R3HDM2: variants seen among roughly 807,000 people sequenced by gnomAD.
R3HDM2 encodes the protein R3H domain-containing protein 2.
A neutral mutation model predicts 124.5 loss-of-function variants in R3HDM2; 38 were observed. The observed-to-expected ratio is 0.31, with a 90% CI of 0.24 to 0.40. The LOEUF is 0.40. Among genes scored for constraint, R3HDM2 ranks in the 10% least tolerant of loss-of-function variants. The pLI, the probability that R3HDM2 is intolerant of heterozygous loss-of-function variation, is 1.00. For missense variants in R3HDM2, 869 were observed against 1,236.9 expected (o/e 0.70, Z 4.46); for synonymous variants, 391 against 448.0 (o/e 0.87, Z 1.61).
chr12:57,366,041 T>C (rs2137763667), intron 2 of R3HDM2, among the ~76,000 whole-genome samples: 1 of 152,350 alleles, frequency 6.6e-6, no homozygotes, highest in South Asian at 2.1e-4. Flanking sequence ...TAAGCCATTA[T>C]TTATTCAAAT....
At chr12:57,295,624 A>G in intron 9 of R3HDM2, 117 bp from the exon 10 acceptor site, 1 of 692,640 alleles carries the variant, frequency 1.4e-6, no homozygotes, top group Non-Finnish European at 2.4e-6. Flanking sequence ...GAATTTCTGG[A>G]GTAAGGAATC....
At chr12:57,333,394 G>C (rs566729452) in intron 2 of R3HDM2, among the ~76,000 whole-genome samples, 19 of 152,212 alleles carry the variant, frequency 1.2e-4, no homozygotes, top group Non-Finnish European at 2.6e-4. Context: ...ATCAAAATAA[G>C]AAAGGCAGCT....
At chr12:57,423,545 C>T (rs1209827566) in intron 1 of R3HDM2, among the ~76,000 whole-genome samples, 3 of 151,864 alleles carry the variant, frequency 2.0e-5, no homozygotes, top group Non-Finnish European at 2.9e-5. Flanking sequence ...GTGGGCCAGG[C>T]GTGGTGCCTC....
Position 57,296,327 on chromosome 12 carries a change from A to G in R3HDM2, c.701+84T>C. On this transcript the variant is annotated intron_variant, in intron 9 of 23. Coordinates refer to ENST00000402412, the MANE Select transcript of R3HDM2 (RefSeq NM_001394031.1). This position sits in a 1 kb window ranked among gnomAD's most constrained non-coding sequence, Gnocchi z 4.5. ...GCCACCACGCCTGGCCATCTGCAAG[A>G]GACATCCTGATCCTACACCTTCCTC... 2 of 1,471,062 alleles carry G rather than the reference A, an allele frequency of 1.4e-6. No individual in the cohort carries two copies. The highest frequency in any genetic ancestry group is 1.9e-6 in the Non-Finnish European group (2 of 1,080,340). 91.1% of individuals were successfully genotyped at this position (1,471,062 alleles called of 1,614,324 possible).
intron 14 of R3HDM2, among the ~76,000 whole-genome samples, chr12:57,274,238 T>C (rs1332726882): frequency 1.3e-5 from 2 of 152,048 alleles, no homozygotes; most frequent in Admixed American, 6.6e-5. Context: ...ATCCCAACAC[T>C]TTGGGAGGCT....
chr12:57,292,534 A>C (rs1303986662), intron 11 of R3HDM2, 38 bp downstream of exon 11: 1 of 1,393,202 alleles, frequency 7.2e-7, no homozygotes, highest in East Asian at 2.5e-5. Flanking sequence ...TTAAGAGCTA[A>C]AAGCTATGGG....
At chr12:57,352,811 G>A (rs2060826223) in intron 2 of R3HDM2, among the ~76,000 whole-genome samples, 1 of 151,984 alleles carries the variant, frequency 6.6e-6, no homozygotes, top group Admixed American at 6.6e-5. Context: ...TTCTTATATA[G>A]TAATTAAGAC....
chr12:57,264,601 A>C (rs572623241), intron 19 of R3HDM2, among the ~76,000 whole-genome samples: 66 of 151,366 alleles, frequency 4.4e-4, no homozygotes, highest in African/African-American at 1.5e-3. Flanking sequence ...AAAAGAAAAA[A>C]CAAAAGACTT....
chr12:57,299,202 G>C (rs1448269600), intron 6 of R3HDM2, 150 bp downstream of exon 6: 2 of 848,488 alleles, frequency 2.4e-6, no homozygotes. Context: ...AAGAAGCAAA[G>C]AAAGTAACCT....
intron 22 of R3HDM2, 46 bp from the exon 23 acceptor site, chr12:57,256,120 A>T (rs1428954421): frequency 2.6e-6 from 4 of 1,547,990 alleles, no homozygotes; most frequent in Non-Finnish European, 3.6e-6. Flanking sequence ...AACAACATTG[A>T]CTGCCTTGCA....
chr12:57,310,017 G>A (rs2053580089), intron 3 of R3HDM2, among the ~76,000 whole-genome samples: 1 of 152,170 alleles, frequency 6.6e-6, no homozygotes, highest in Admixed American at 6.5e-5. Context: ...TTTGAGACCA[G>A]CCTGGGCAAC....
At chr12:57,297,427 A>C in intron 7 of R3HDM2, 40 bp from the exon 8 acceptor site, 3 of 1,294,818 alleles carry the variant, frequency 2.3e-6, no homozygotes, top group Non-Finnish European at 3.2e-6. Context: ...ACAAAACAAA[A>C]AGCAGCCCTC....
At chr12:57,348,720 A>AAAAAAAAAAAAAG (rs2060330840) in intron 2 of R3HDM2, among the ~76,000 whole-genome samples, 1 of 12,662 alleles carries the variant, frequency 7.9e-5, no homozygotes, top group African/African-American at 1.9e-4. Flanking sequence ...AAAAAAAAAA[A>AAAAAAAAAAAAAG]AGAGAGAGAA....
In R3HDM2 at chr12:57,296,790, G is replaced by A; in HGVS notation, c.561-239C>T. The A allele has an allele frequency of 2.4e-6, 1 of 417,024 alleles. No individual in the cohort carries two copies. The highest frequency in any genetic ancestry group is 4.3e-6 in the Non-Finnish European group (1 of 233,694). 25.8% of individuals were successfully genotyped at this position (417,024 alleles called of 1,614,324 possible). A position where few individuals can be genotyped will look rare whatever the true frequency, so the allele number is the denominator to read the frequency against. On this transcript the variant is annotated intron_variant, in intron 8 of 23. Transcript: ENST00000402412. This position sits in a 1 kb window ranked among gnomAD's most constrained non-coding sequence, Gnocchi z 4.5. The stretch of plus-strand genomic sequence containing the variant: ...TCATTAAGACTACTCATTGCTGGGT[G>A]CAGTGGCTCATGCCCGTAATCCCAG...
intron 2 of R3HDM2, among the ~76,000 whole-genome samples, chr12:57,345,156 GA>G (rs1555275789): frequency 3.3e-5 from 5 of 149,444 alleles, no homozygotes; most frequent in Non-Finnish European, 5.9e-5. Flanking sequence ...CTTATTGGGG[GA>G]AAAAAAAACC....
At chr12:57,304,397 A>G (rs960020598) in intron 3 of R3HDM2, 1 of 604,076 alleles carries the variant, frequency 1.7e-6, no homozygotes. Context: ...AGATGTTTGG[A>G]ATGGAACTCC....
In R3HDM2 at chr12:57,411,072, A is replaced by G. The variant is rs371249393; in HGVS notation, c.-105-15254T>C. 2.0e-5 allele frequency among the ~76,000 whole-genome samples: 3 copies of G among 152,358 alleles called. No individual in the cohort carries two copies. In the South Asian group the frequency reaches 6.2e-4, roughly 32 times the overall value. ...TTAGAGCAGTCATCCACATAAAACAAAAGAATATATAAGGCACACAACTAA... is the reference window on the plus strand; with the variant it reads ...TTAGAGCAGTCATCCACATAAAACAGAAGAATATATAAGGCACACAACTAA... On this transcript the variant is annotated intron_variant, in intron 1 of 23. Transcript: ENST00000402412.
At chr12:57,372,587 C>A (rs1003213906) in intron 2 of R3HDM2, among the ~76,000 whole-genome samples, 3 of 152,052 alleles carry the variant, frequency 2.0e-5, no homozygotes, top group African/African-American at 4.8e-5. Flanking sequence ...AACAAGAGAG[C>A]TAATAAACAA....
At chr12:57,416,061 A>G (rs554351914) in intron 1 of R3HDM2, among the ~76,000 whole-genome samples, 4 of 152,342 alleles carry the variant, frequency 2.6e-5, no homozygotes, top group African/African-American at 9.6e-5. Flanking sequence ...TGAATGTGAT[A>G]GTGAACTTAA....
Sources: allele counts gnomAD v4.1 joint callset (sites outside exome capture counted in the v4.1 genomes callset), GRCh38; gene constraint gnomAD v4.1.1; non-coding constraint Gnocchi (gnomAD v3.1); transcripts MANE v1.5; gene names NCBI Gene and HGNC (gene_info 2026-07-23, HGNC 2026-07-21).